KCNH8: variants seen among roughly 807,000 people sequenced by gnomAD.
KCNH8 encodes the protein voltage-gated delayed rectifier potassium channel KCNH8.
KCNH8 carries 70 observed loss-of-function variants against 103.6 expected under a neutral mutation model. The observed-to-expected ratio is 0.68, with a 90% confidence interval of 0.56 to 0.82. KCNH8 has a LOEUF of 0.82. Among genes scored for constraint, KCNH8 ranks in the 40% least tolerant of loss-of-function variants. The pLI, the probability that KCNH8 is intolerant of heterozygous loss-of-function variation, is 0.00. For missense variants in KCNH8, 1,217 were observed against 1,329.9 expected (o/e 0.92, Z 1.32); for synonymous variants, 498 against 489.4 (o/e 1.02, Z -0.23).
rs560484234 is a variant in KCNH8 at position 19,337,686 on chromosome 3, G to T, written c.443-4901G>T. On this transcript the variant is annotated intron_variant, in intron 3 of 15. Transcript: ENST00000328405. ...TACGTATTTCAAATGTGCCAGCTTTGCTCCATGTCTACTGCTAGCTACCAC... is the reference window on the plus strand; with the variant it reads ...TACGTATTTCAAATGTGCCAGCTTTTCTCCATGTCTACTGCTAGCTACCAC... Among the ~76,000 whole-genome samples the T allele has an allele frequency of 5.9e-5, 9 of 152,094 alleles. No homozygotes were observed. In the South Asian group the frequency reaches 6.2e-4, roughly 11 times the overall value.
intron 9 of KCNH8, chr3:19,450,557 C>G: frequency 2.1e-6 from 1 of 473,504 alleles, no homozygotes. Context: ...TATTTTCCTT[C>G]TTATTGTCTC....
In KCNH8 at chr3:19,535,304, T is replaced by C. The variant is rs2069246488; in HGVS notation, c.*1205T>C. On this transcript the variant is annotated 3_prime_UTR_variant, in exon 16 of 16. Transcript: ENST00000328405. Reference sequence around the variant, plus strand: ...GCAATGGGTCAGCACTTTACCTTTTTTCTTTAAGGCTCCCAACAATGCTAT... The same window carrying C: ...GCAATGGGTCAGCACTTTACCTTTTCTCTTTAAGGCTCCCAACAATGCTAT... 1 of 152,206 alleles carries C rather than the reference T, an allele frequency of 6.6e-6. No homozygotes were observed. Among genetic ancestry groups the C allele is most frequent in the Non-Finnish European group, 1.5e-5 (1 of 68,032 alleles). The allele number at this position is 152,206 out of a possible 1,614,324, so 9.4% of individuals were successfully genotyped here. A position where few individuals can be genotyped will look rare whatever the true frequency, so the allele number is the denominator to read the frequency against.
chr3:19,369,253 G>A (rs1386210787), intron 5 of KCNH8, among the ~76,000 whole-genome samples: 1 of 151,900 alleles, frequency 6.6e-6, no homozygotes, highest in East Asian at 1.9e-4. Flanking sequence ...GTCAAAGAGT[G>A]CTTGTTAGTC....
chr3:19,312,807 T>G (rs1454592631), intron 3 of KCNH8, among the ~76,000 whole-genome samples: 3 of 151,970 alleles, frequency 2.0e-5, no homozygotes, highest in African/African-American at 2.4e-5. Context: ...ATCACTGGGT[T>G]AGATGTTCTA....
chr3:19,483,630 C>A lies in KCNH8; in HGVS notation c.2040+26648C>A, dbSNP rs184835255. Among the ~76,000 whole-genome samples, 5 of 152,186 alleles carry A rather than the reference C, an allele frequency of 3.3e-5. No homozygotes were observed. The East Asian group carries it at 9.6e-4, about 29-fold the overall frequency. ...CTCGGCTAATTGCAAAAACAAATTT[C>A]TTGGGTTTTTTTTGGAATTTCTGGT... On this transcript the variant is annotated intron_variant, in intron 11 of 15. Transcript: ENST00000328405.
At chr3:19,449,748 T>C (rs890217533) in intron 8 of KCNH8, among the ~76,000 whole-genome samples, 2 of 152,150 alleles carry the variant, frequency 1.3e-5, no homozygotes, top group Non-Finnish European at 2.9e-5. Flanking sequence ...ACTATCAAAC[T>C]ATACATAACT....
At chr3:19,477,919 C>A (rs138955706) in intron 11 of KCNH8, among the ~76,000 whole-genome samples, 1 of 151,228 alleles carries the variant, frequency 6.6e-6, no homozygotes, top group Admixed American at 6.6e-5. Context: ...AACCCTGACC[C>A]CCTGGCACCC....
intron 1 of KCNH8, among the ~76,000 whole-genome samples, chr3:19,185,609 A>T (rs1167031585): frequency 6.6e-6 from 1 of 151,970 alleles, no homozygotes; most frequent in African/African-American, 2.4e-5. Context: ...TATCTCTCAC[A>T]TGATATTACT....
intron 6 of KCNH8, among the ~76,000 whole-genome samples, chr3:19,394,655 A>G (rs890128144): frequency 7.2e-5 from 11 of 152,066 alleles, no homozygotes; most frequent in Admixed American, 7.2e-4. Flanking sequence ...AGGTATTTTT[A>G]TTATCACTTT....
At chr3:19,191,326 TG>T (rs1375545395) in intron 1 of KCNH8, among the ~76,000 whole-genome samples, 7 of 151,838 alleles carry the variant, frequency 4.6e-5, no homozygotes, top group African/African-American at 1.7e-4. Context: ...TTGTCAGCGT[TG>T]TATTTTATCA....
chr3:19,371,998 T>C (rs1477382914), intron 5 of KCNH8, among the ~76,000 whole-genome samples: 1 of 152,108 alleles, frequency 6.6e-6, no homozygotes, highest in Non-Finnish European at 1.5e-5. Context: ...AGTACCATGC[T>C]GTTTTGGTTA....
chr3:19,515,205 C>A, intron 13 of KCNH8, 117 bp from the exon 14 acceptor site: 1 of 514,902 alleles, frequency 1.9e-6, no homozygotes, highest in Non-Finnish European at 3.3e-6. Flanking sequence ...TATTGAATAG[C>A]TCAGCTCTAG....
intron 1 of KCNH8, among the ~76,000 whole-genome samples, chr3:19,187,421 A>T (rs1258854510): frequency 6.6e-6 from 1 of 152,110 alleles, no homozygotes; most frequent in Non-Finnish European, 1.5e-5. Context: ...ATGCTAAAAC[A>T]GTTGGAAAAA....
At chr3:19,270,318 C>G (rs1376417802) in intron 2 of KCNH8, among the ~76,000 whole-genome samples, 1 of 152,134 alleles carries the variant, frequency 6.6e-6, no homozygotes, top group Non-Finnish European at 1.5e-5. Context: ...ATTGCATACC[C>G]AATTGGAACC....
At chr3:19,340,240 A>G (rs2065639907) in intron 3 of KCNH8, among the ~76,000 whole-genome samples, 2 of 152,102 alleles carry the variant, frequency 1.3e-5, no homozygotes, top group Non-Finnish European at 1.5e-5. Context: ...GATATCAAAG[A>G]GCTTTTATAA....
chr3:19,268,580 A>G (rs1446140366), intron 2 of KCNH8, among the ~76,000 whole-genome samples: 1 of 152,176 alleles, frequency 6.6e-6, no homozygotes, highest in Admixed American at 6.5e-5. Context: ...CAGGAAAGTC[A>G]CATGATGAAA....
chr3:19,444,797 C>T (rs1169836663), intron 8 of KCNH8, among the ~76,000 whole-genome samples: 1 of 151,618 alleles, frequency 6.6e-6, no homozygotes, highest in African/African-American at 2.4e-5. Flanking sequence ...AAATTAGATA[C>T]CATTTTTGTT....
chr3:19,226,086 T>A (rs776925266), intron 1 of KCNH8, among the ~76,000 whole-genome samples: 6 of 152,246 alleles, frequency 3.9e-5, no homozygotes, highest in Non-Finnish European at 7.3e-5. Flanking sequence ...CTTAGATGTA[T>A]GTTCCAATGG....
At chr3:19,343,816 T>C (rs1015790339) in intron 4 of KCNH8, among the ~76,000 whole-genome samples, 2 of 152,008 alleles carry the variant, frequency 1.3e-5, no homozygotes, top group African/African-American at 4.8e-5. Context: ...AAGAAAGATG[T>C]ATGAGCCCAG....
Sources: gnomAD v4.1 joint callset for allele counts (sites outside exome capture counted in the v4.1 genomes callset) on GRCh38, gnomAD v4.1.1 for gene constraint, MANE v1.5 for transcripts, NCBI Gene and HGNC (gene_info 2026-07-23, HGNC 2026-07-21) for gene names.